The following PNPT1 variants were observed in gnomAD, a reference collection of about 807,000 sequenced individuals.
The protein encoded by PNPT1 is polyribonucleotide nucleotidyltransferase 1, mitochondrial.
In PNPT1, 53 loss-of-function variants were observed where a neutral mutation model predicts 119.5. The ratio of observed to expected loss-of-function variants is 0.44; its 90% CI spans 0.36 to 0.56. PNPT1 has a LOEUF of 0.56. Ranked by LOEUF, PNPT1 falls within the 20% of genes least tolerant of loss-of-function variation. The pLI is 0.00. For missense variants in PNPT1, 948 were observed against 938.5 expected (o/e 1.01, Z -0.13); for synonymous variants, 357 against 322.1 (o/e 1.11, Z -1.16).
At chr2:55,677,368 C>T (rs1572828102) in intron 8 of PNPT1, among the ~76,000 whole-genome samples, 1 of 152,178 alleles carries the variant, frequency 6.6e-6, no homozygotes, top group East Asian at 1.9e-4. Flanking sequence ...CCGAAGCGGG[C>T]AGATCACTTG....
At chr2:55,646,744 A>T (rs1696016348) in intron 19 of PNPT1, among the ~76,000 whole-genome samples, 1 of 151,980 alleles carries the variant, frequency 6.6e-6, no homozygotes, top group Non-Finnish European at 1.5e-5. Context: ...TGCTCATCCT[A>T]AAGTGAGTCA....
intron 12 of PNPT1, among the ~76,000 whole-genome samples, chr2:55,667,595 A>G (rs903136672): frequency 6.6e-6 from 1 of 151,976 alleles, no homozygotes; most frequent in Non-Finnish European, 1.5e-5. Context: ...CAAAAAAAAA[A>G]AACAAAAAAC....
chr2:55,643,276 A>G (rs1425194867), intron 24 of PNPT1, 43 bp downstream of exon 24: 1 of 1,612,830 alleles, frequency 6.2e-7, no homozygotes, highest in Non-Finnish European at 8.5e-7. Context: ...TAGAAAAAAC[A>G]AATATAGCTA....
In PNPT1 at chr2:55,640,339, A is replaced by T. The variant is rs72805486; in HGVS notation, c.2148+288T>A. Among the ~76,000 whole-genome samples the T allele has an allele frequency of 0.027, 4,124 of 152,232 alleles. 80 individuals are homozygous for T. The highest frequency in any genetic ancestry group is 0.11 in the South Asian group (517 of 4,818). On this transcript the variant is annotated intron_variant, in intron 26 of 27. Transcript: ENST00000447944. ...CAGCTAATTTTTGTATTTTTAGTAC[A>T]CACTGGGTTTCACCATGTTGGTCAG...
intron 14 of PNPT1, 56 bp from the exon 15 acceptor site, chr2:55,660,249 C>A: frequency 2.0e-6 from 3 of 1,487,938 alleles, no homozygotes; most frequent in Non-Finnish European, 2.7e-6. Flanking sequence ...ATATTTATTT[C>A]AAAACACAAC....
chr2:55,665,796 C>T (rs572286715), intron 13 of PNPT1, among the ~76,000 whole-genome samples: 1 of 152,248 alleles, frequency 6.6e-6, no homozygotes, highest in African/African-American at 2.4e-5. Context: ...TACTTGGTGC[C>T]TATCAGATTG....
rs17800203 is a variant in PNPT1, at chr2:55,656,598, C to A, written c.1285-227G>T. ...GTGTACATGGATTAGGATGTGGGAA[C>A]TGGATGGGTATGGGGATTTACACCA... On this transcript the variant is annotated intron_variant, in intron 15 of 27. Transcript: ENST00000447944. 0.18 allele frequency among the ~76,000 whole-genome samples: 27,760 copies of A among 152,066 alleles called. 2,793 individuals carry two copies. Among genetic ancestry groups the A allele is most frequent in the East Asian group, 0.31 (1,593 of 5,164 alleles).
At chr2:55,642,482 A>G (rs1484004824) in intron 25 of PNPT1, among the ~76,000 whole-genome samples, 4 of 151,604 alleles carry the variant, frequency 2.6e-5, no homozygotes, top group Admixed American at 1.3e-4. Flanking sequence ...GGTGGCGGGC[A>G]CCTGCAGTCC....
chr2:55,667,530 C>T lies in PNPT1; in HGVS notation c.1073+332G>A, dbSNP rs190000753. On this transcript the variant is annotated intron_variant, in intron 12 of 27. Transcript: ENST00000447944. Reference sequence around the variant, plus strand: ...AATGACGTGAACCCGGAAGGCGGAGCTTGCAGTGAGCCGAGATTGCACTCC... The same window carrying T: ...AATGACGTGAACCCGGAAGGCGGAGTTTGCAGTGAGCCGAGATTGCACTCC... Among the ~76,000 whole-genome samples, 964 of 151,578 alleles carry T rather than the reference C, an allele frequency of 6.4e-3. 5 individuals carry two copies. Among genetic ancestry groups the T allele is most frequent in the African/African-American group, 0.021 (858 of 41,298 alleles).
At chr2:55,657,087 G>C (rs1211057487) in intron 15 of PNPT1, among the ~76,000 whole-genome samples, 3 of 152,114 alleles carry the variant, frequency 2.0e-5, no homozygotes, top group Admixed American at 6.5e-5. Flanking sequence ...CCAGCACTTT[G>C]GGAGGCCAAG....
intron 15 of PNPT1, among the ~76,000 whole-genome samples, chr2:55,659,317 G>A (rs1696489542): frequency 6.6e-6 from 1 of 152,096 alleles, no homozygotes; most frequent in Non-Finnish European, 1.5e-5. Context: ...GGTCCCTTAG[G>A]ATTTGTTGTG....
intron 18 of PNPT1, among the ~76,000 whole-genome samples, chr2:55,653,034 G>A (rs975448874): frequency 6.6e-5 from 10 of 152,142 alleles, no homozygotes; most frequent in African/African-American, 1.4e-4. Flanking sequence ...TTTTAGTAGA[G>A]ACGGGGTTTC....
At chr2:55,655,540 T>C (rs1470086683) in intron 17 of PNPT1, among the ~76,000 whole-genome samples, 2 of 152,200 alleles carry the variant, frequency 1.3e-5, no homozygotes, top group African/African-American at 4.8e-5. Context: ...TCTCTCATTC[T>C]CATAAGCCCA....
intron 1 of PNPT1, among the ~76,000 whole-genome samples, chr2:55,690,268 A>G (rs899750868): frequency 1.3e-5 from 2 of 152,248 alleles, no homozygotes; most frequent in African/African-American, 4.8e-5. Flanking sequence ...CTTGAAACAG[A>G]CCAGCAAAAC....
At chr2:55,660,099 G>A (rs575907917) in intron 15 of PNPT1, 58 bp downstream of exon 15, 55 of 1,480,422 alleles carry the variant, frequency 3.7e-5, no homozygotes, top group East Asian at 5.1e-5. Flanking sequence ...GTGAGACCTC[G>A]TCTCACAAAA....
chr2:55,668,395 C>G (rs1313890133), intron 11 of PNPT1, among the ~76,000 whole-genome samples: 2 of 151,962 alleles, frequency 1.3e-5, no homozygotes, highest in African/African-American at 4.8e-5. Context: ...TACCACCATG[C>G]CTGGCTAATT....
At chr2:55,650,185 C>CT (rs1240598158) in intron 18 of PNPT1, among the ~76,000 whole-genome samples, 1 of 151,438 alleles carries the variant, frequency 6.6e-6, no homozygotes, top group Non-Finnish European at 1.5e-5. Flanking sequence ...CACGGTCTCC[C>CT]TCTCCCTCTC....
intron 23 of PNPT1, 73 bp from the exon 24 acceptor site, chr2:55,643,498 A>G: frequency 1.6e-6 from 2 of 1,287,330 alleles, no homozygotes; most frequent in Non-Finnish European, 2.2e-6. Flanking sequence ...TAATCCCAGC[A>G]CTCTGGGGGG....
intron 17 of PNPT1, among the ~76,000 whole-genome samples, chr2:55,655,224 T>C (rs1306567834): frequency 6.6e-6 from 1 of 152,104 alleles, no homozygotes; most frequent in Non-Finnish European, 1.5e-5. Context: ...ATAAAGAGGA[T>C]TTCTATCATC....
Sources: gnomAD v4.1 joint callset for allele counts (sites outside exome capture counted in the v4.1 genomes callset) on GRCh38, gnomAD v4.1.1 for gene constraint, MANE v1.5 for transcripts, NCBI Gene and HGNC (gene_info 2026-07-23, HGNC 2026-07-21) for gene names.